The following PRKCD variants were observed in gnomAD, a reference collection of about 807,000 sequenced individuals.
The protein encoded by PRKCD is protein kinase C delta.
Under a neutral mutation model 82.2 loss-of-function variants are expected in PRKCD, and 20 were observed. The observed-to-expected ratio is 0.24, with a 90% confidence interval of 0.17 to 0.35. The LOEUF (loss-of-function observed/expected upper bound fraction) is 0.35. PRKCD is among the 10% of genes least tolerant of loss of function. The probability of loss-of-function intolerance (pLI) is 1.00; values close to 1 mark genes in which losing one functional copy is unlikely to be tolerated. For missense variants in PRKCD, 607 were observed against 899.0 expected, an observed-to-expected ratio of 0.68 and a Z score of 4.15; for synonymous variants, 317 against 337.0, an observed-to-expected ratio of 0.94 and a Z score of 0.65.
intron 7 of PRKCD, chr3:53,181,974 T>C (rs782663910): frequency 1.7e-5 from 12 of 690,232 alleles, no homozygotes; most frequent in East Asian, 1.1e-4. Flanking sequence ...TGGATGGCAA[T>C]TGGGCACAGT....
chr3:53,182,863 C>G (rs1444753570), intron 7 of PRKCD, among the ~76,000 whole-genome samples: 1 of 152,222 alleles, frequency 6.6e-6, no homozygotes, highest in African/African-American at 2.4e-5. Flanking sequence ...TTCTGCCCAC[C>G]TCCCTGCCCA....
rs567978244 is a variant in PRKCD at position 53,169,874 on chromosome 3, C to T, written c.-20+4659C>T. 8.5e-5 allele frequency among the ~76,000 whole-genome samples: 13 copies of T among 152,356 alleles called. No homozygotes were observed. In the South Asian group the frequency reaches 2.1e-3, roughly 24 times the overall value. On this transcript the variant is annotated intron_variant, in intron 2 of 18. Transcript: ENST00000330452. This position sits in a 1 kb window ranked among gnomAD's most constrained non-coding sequence, Gnocchi z 4.7. ...GACACCAGAGCACTTGGGCCAAGAT[C>T]GCGGAGCACCCAGGCAGCAGATCTG...
At chr3:53,167,202 G>C (rs1398378547) in intron 2 of PRKCD, among the ~76,000 whole-genome samples, 2 of 152,208 alleles carry the variant, frequency 1.3e-5, no homozygotes, top group Non-Finnish European at 2.9e-5. Context: ...CCCTCTGTCA[G>C]TGGCTCTACG....
At position 53,183,492 on chromosome 3, in the gene PRKCD, T is replaced by G; in HGVS notation, c.698T>G (p.Phe233Cys). 6.2e-7 allele frequency: 1 copy of G among 1,614,210 alleles called. No individual in the cohort carries two copies. The highest frequency in any genetic ancestry group is 8.5e-7 in the Non-Finnish European group (1 of 1,180,024). ...ERFNIDMPHR[F>C]KVHNYMSPTF... ...TTCAACATCGACATGCCGCACCGCT[T>G]CAAGGTTCACAACTACATGAGCCCC... is the stretch of plus-strand genomic sequence containing the variant. Residue 233 changes from phenylalanine (F) to cysteine (C), a missense_variant, in exon 9 of 19, where the codon TTC (phenylalanine) becomes TGC (cysteine). Physicochemically the swap from Phe to Cys is radical, Grantham distance 205. This residue lies in a region of PRKCD where 109 missense variants were observed against 155.6 expected (regional missense o/e 0.70). Transcript: ENST00000330452.
At chr3:53,167,528 T>G (rs983508690) in intron 2 of PRKCD, among the ~76,000 whole-genome samples, 3 of 152,252 alleles carry the variant, frequency 2.0e-5, no homozygotes, top group African/African-American at 7.2e-5. Flanking sequence ...CAAGTGGCTC[T>G]GCCGCTCAGT....
rs1703686363 is a variant in PRKCD, at chr3:53,186,298, G to T, written c.1218G>T (p.Glu406Asp). ...AGCGGGTGCTGACACTTGCCGCAGAGAATCCCTTTCTCACCCACCTCATCT... is the reference window on the plus strand; with the variant it reads ...AGCGGGTGCTGACACTTGCCGCAGATAATCCCTTTCTCACCCACCTCATCT... ...VEKRVLTLAAENPFLTHLICT... is the reference protein window; with the variant it reads ...VEKRVLTLAADNPFLTHLICT... The change falls in exon 13 of 19, where the codon GAG (glutamate) becomes GAT (aspartate). Residue 406 changes from glutamate (E) to aspartate (D), a missense_variant. By Grantham distance (45) the Glu-to-Asp change is conservative (BLOSUM62 2). Coordinates refer to ENST00000330452, the MANE Select transcript of PRKCD (RefSeq NM_006254.4). The T allele has an allele frequency of 6.2e-7, 1 of 1,614,054 alleles. No individual in the cohort carries two copies. Among genetic ancestry groups the T allele is most frequent in the African/African-American group, 1.3e-5 (1 of 74,926 alleles).
At chr3:53,172,536 T>A (rs372166033) in intron 2 of PRKCD, among the ~76,000 whole-genome samples, 5 of 152,120 alleles carry the variant, frequency 3.3e-5, no homozygotes, top group East Asian at 3.8e-4. Flanking sequence ...CCAGGCAGAG[T>A]CTGCATCCTT....
chr3:53,181,316 G>A lies in PRKCD; in HGVS notation c.376+49G>A, dbSNP rs559855198. On this transcript the variant is annotated intron_variant, in intron 5 of 18. Transcript: ENST00000330452. The stretch of plus-strand genomic sequence containing the variant: ...GGCTCCCTTGCCGGGTTCAGAGGCA[G>A]AGCCAGCACTGAGGTGTAGGGAAGC... 3.7e-6 allele frequency: 6 copies of A among 1,610,508 alleles called. No individual in the cohort carries two copies. In the African/African-American group the frequency reaches 8.0e-5, roughly 21 times the overall value.
chr3:53,186,078 C>A, intron 12 of PRKCD, 51 bp downstream of exon 12: 1 of 1,611,104 alleles, frequency 6.2e-7, no homozygotes, highest in South Asian at 1.1e-5. Flanking sequence ...TGGCTTCTTC[C>A]CGCTTAGGTG....
chr3:53,182,366 T>C (rs1335959407), intron 7 of PRKCD, among the ~76,000 whole-genome samples: 3 of 152,130 alleles, frequency 2.0e-5, no homozygotes, highest in African/African-American at 7.2e-5. Context: ...TCTCCAAGGT[T>C]CAAGCGATTC....
rs782464933 is a variant in PRKCD at position 53,179,790 on chromosome 3, G to A, written c.315+14G>A. The A allele has an allele frequency of 7.8e-6, 12 of 1,548,200 alleles. No homozygotes were observed. The highest frequency in any genetic ancestry group is 1.4e-5 in the African/African-American group (1 of 71,916). ...GCTGAGTTCTGGGTAAGGGGCGCACGAGCCGTGCCGTGTGTGTGTGTGTGT... is the reference window on the plus strand; with the variant it reads ...GCTGAGTTCTGGGTAAGGGGCGCACAAGCCGTGCCGTGTGTGTGTGTGTGT... On this transcript the variant is annotated intron_variant, in intron 4 of 18. Transcript: ENST00000330452.
chr3:53,186,018 C>T lies in PRKCD; in HGVS notation c.1077C>T (p.Ser359=). ...FIFHKVLGKG[S]FGKVLLGELK... is the part of the protein sequence containing the mutation. The stretch of plus-strand genomic sequence containing the variant: ...TCCACAAGGTCCTGGGCAAAGGCAG[C>T]TTCGGGAAGGTGAGGGCTGTGAGCC... Residue 359 remains serine (S), a synonymous_variant, in exon 12 of 19, where the codon AGC becomes AGT. Transcript: ENST00000330452. 5 of 1,614,202 alleles carry T rather than the reference C, an allele frequency of 3.1e-6. No homozygotes were observed. The highest frequency in any genetic ancestry group is 4.2e-6 in the Non-Finnish European group (5 of 1,180,026).
chr3:53,189,266 C>A lies in PRKCD; in HGVS notation c.1743+20C>A. 1.6e-6 allele frequency: 2 copies of A among 1,281,312 alleles called. No homozygotes were observed. The highest frequency in any genetic ancestry group is 1.1e-6 in the Non-Finnish European group (1 of 933,048). The allele number at this position is 1,281,312 out of a possible 1,614,324, so 79.4% of individuals were successfully genotyped here. ...GAGAAGGTGGAGGCCCTGGGCTGGG[C>A]TGGGCTGGTCTGGGCTGGGCTGGGG... On this transcript the variant is annotated intron_variant, in intron 17 of 18. Transcript: ENST00000330452.
chr3:53,170,679 A>G (rs1488102376), intron 2 of PRKCD, among the ~76,000 whole-genome samples: 2 of 152,158 alleles, frequency 1.3e-5, no homozygotes, highest in Non-Finnish European at 2.9e-5. Flanking sequence ...CCCCTCCTCC[A>G]TTCCCCAGCC....
chr3:53,180,502 A>G (rs1009650214), intron 4 of PRKCD, among the ~76,000 whole-genome samples: 1 of 152,226 alleles, frequency 6.6e-6, no homozygotes, highest in Non-Finnish European at 1.5e-5. Context: ...CTGGGGTTAC[A>G]TGTGGGATGT....
chr3:53,182,970 C>G (rs1456931301), intron 7 of PRKCD, 151 bp from the exon 8 acceptor site: 10 of 744,160 alleles, frequency 1.3e-5, no homozygotes, highest in Non-Finnish European at 2.3e-5. Flanking sequence ...GAGGAAGACT[C>G]AAGCGCTGGG....
chr3:53,177,527 C>G (rs1325142985), intron 2 of PRKCD, among the ~76,000 whole-genome samples: 2 of 152,172 alleles, frequency 1.3e-5, no homozygotes, highest in Non-Finnish European at 2.9e-5. Flanking sequence ...GGGTGTTTAT[C>G]TTGGCACTGC....
In PRKCD at chr3:53,186,314, C is replaced by T. The variant is rs1553669079; in HGVS notation, c.1234C>T (p.His412Tyr). Residue 412 changes from histidine (H) to tyrosine (Y), a missense_variant, in exon 13 of 19, where the codon CAC becomes TAC. Around this residue, in one of 5 missense-constraint regions of PRKCD, gnomAD observed 251 missense variants for 423.9 expected, o/e 0.59. Coordinates refer to ENST00000330452, the MANE Select transcript of PRKCD (RefSeq NM_006254.4). Reference protein sequence around the residue: ...TLAAENPFLTHLICTFQTKDH... With the variant: ...TLAAENPFLTYLICTFQTKDH... ...TGCCGCAGAGAATCCCTTTCTCACCCACCTCATCTGCACCTTCCAGACCAA... is the reference window on the plus strand; with the variant it reads ...TGCCGCAGAGAATCCCTTTCTCACCTACCTCATCTGCACCTTCCAGACCAA... 3 of 1,614,118 alleles carry T rather than the reference C, an allele frequency of 1.9e-6. No homozygotes were observed. The highest frequency in any genetic ancestry group is 2.2e-5 in the South Asian group (2 of 91,082).
intron 3 of PRKCD, among the ~76,000 whole-genome samples, chr3:53,179,037 G>A (rs1553666568): frequency 6.6e-6 from 1 of 152,198 alleles, no homozygotes. Flanking sequence ...CTGGCCTGGT[G>A]AACCCCTATT....
Sources: allele counts gnomAD v4.1 joint callset (sites outside exome capture counted in the v4.1 genomes callset), GRCh38; gene constraint gnomAD v4.1.1; regional missense constraint gnomAD v4.1.1; non-coding constraint Gnocchi (gnomAD v3.1); transcripts MANE v1.5; gene names NCBI Gene and HGNC (gene_info 2026-07-23, HGNC 2026-07-21).